The following TRPM3 variants were observed in gnomAD, a reference collection of about 807,000 sequenced individuals.
TRPM3 encodes long transient receptor potential channel 3.
In TRPM3, 77 loss-of-function variants were observed where a neutral mutation model predicts 181.2. That is an observed-to-expected ratio of 0.42 (90% CI 0.35 to 0.51). The LOEUF (loss-of-function observed/expected upper bound fraction) is 0.51, where lower values mean the gene tolerates loss of function less well. Ranked by LOEUF, TRPM3 falls within the 20% of genes least tolerant of loss-of-function variation. TRPM3 has a pLI of 0.01. For missense variants in TRPM3, 1,759 were observed against 2,196.7 expected (o/e 0.80, Z 3.98); for synonymous variants, 745 against 796.4 (o/e 0.94, Z 1.09).
intron 1 of TRPM3, among the ~76,000 whole-genome samples, chr9:70,916,353 A>G (rs561725189): frequency 2.0e-5 from 3 of 152,348 alleles, no homozygotes; most frequent in East Asian, 3.9e-4. Context: ...ATAGAATATT[A>G]TAAAACTGTA....
At chr9:71,426,046 CA>C (rs1044291432) in intron 1 of TRPM3, among the ~76,000 whole-genome samples, 25 of 152,134 alleles carry the variant, frequency 1.6e-4, no homozygotes, top group African/African-American at 6.0e-4. Context: ...CCCCTTGTGC[CA>C]GTTATTTTAT....
rs35173071 is a variant in TRPM3 at position 70,781,326 on chromosome 9, T to TAAAAAAAAAAAAAAAA, written c.1148+2763_1148+2778dup. 2.8e-3 allele frequency among the ~76,000 whole-genome samples: 294 copies of TAAAAAAAAAAAAAAAA among 106,020 alleles called. 6 individuals carry two copies. The highest frequency in any genetic ancestry group is 8.9e-3 in the African/African-American group (240 of 26,894). 69.6% of individuals were successfully genotyped at this position (106,020 alleles called of 152,430 possible). ...GGGGACAGCATGAGATTCCATTTCA[T>TAAAAAAAAAAAAAAAA]AAAAAAAAAAAAAAAAAAAAAAAGA... is the stretch of plus-strand genomic sequence containing the variant. On this transcript the variant is annotated intron_variant, in intron 7 of 25. Transcript: ENST00000677713.
intron 3 of TRPM3, among the ~76,000 whole-genome samples, chr9:70,856,917 A>G (rs1411397295): frequency 6.6e-6 from 1 of 152,132 alleles, no homozygotes; most frequent in East Asian, 1.9e-4. Flanking sequence ...TAGTAAGAAA[A>G]TAAGATTCTG....
intron 1 of TRPM3, among the ~76,000 whole-genome samples, chr9:70,921,942 A>AACAC (rs71367238): frequency 0.042 from 5,841 of 139,426 alleles, 132 homozygotes; most frequent in African/African-American, 0.047. Context: ...CACACAAACA[A>AACAC]ACACACACAC....
chr9:70,854,950 A>G (rs1371333765), intron 3 of TRPM3, among the ~76,000 whole-genome samples: 1 of 152,326 alleles, frequency 6.6e-6, no homozygotes, highest in East Asian at 1.9e-4. Context: ...ACAAATTTAG[A>G]CATGACATTC....
intron 1 of TRPM3, among the ~76,000 whole-genome samples, chr9:71,443,647 T>G (rs1239724668): frequency 2.6e-5 from 4 of 152,002 alleles, no homozygotes; most frequent in African/African-American, 9.7e-5. Flanking sequence ...AAGATTAGCG[T>G]CAAAATCATG....
intron 1 of TRPM3, among the ~76,000 whole-genome samples, chr9:71,263,157 C>T (rs984871757): frequency 6.6e-6 from 1 of 152,160 alleles, no homozygotes; most frequent in Admixed American, 6.5e-5. Context: ...AAAACTATTA[C>T]AATCCTGATT....
chr9:70,604,961 C>T (rs116442810), intron 19 of TRPM3, among the ~76,000 whole-genome samples: 9 of 4,906 alleles, frequency 1.8e-3, no homozygotes, highest in Middle Eastern at 0.17. Flanking sequence ...TGAATGGATT[C>T]TTCTTTTTTT....
chr9:71,161,624 T>A (rs1014321684), intron 1 of TRPM3, among the ~76,000 whole-genome samples: 22 of 152,070 alleles, frequency 1.4e-4, no homozygotes, highest in African/African-American at 5.3e-4. Context: ...AAATGCAGAT[T>A]CAAGATATAA....
chr9:70,885,066 C>A (rs998598215), intron 1 of TRPM3, among the ~76,000 whole-genome samples: 1 of 152,188 alleles, frequency 6.6e-6, no homozygotes, highest in African/African-American at 2.4e-5. Flanking sequence ...TTGCTGCCTC[C>A]TTTGAGGTCC....
Position 70,761,587 on chromosome 9 carries a change from G to A in TRPM3, c.1272+14C>T, listed in dbSNP as rs2078158988. 6.2e-7 allele frequency: 1 copy of A among 1,613,824 alleles called. No individual in the cohort carries two copies. Among genetic ancestry groups the A allele is most frequent in the Admixed American group, 1.7e-5 (1 of 59,954 alleles). On this transcript the variant is annotated intron_variant, in intron 8 of 25. Coordinates refer to ENST00000677713, the MANE Select transcript of TRPM3 (RefSeq NM_001366145.2). The stretch of plus-strand genomic sequence containing the variant: ...AATGTGGAGACAGCTGGCCACCCAT[G>A]CGGAATTACCTACCAATTCCTTCTT...
intron 6 of TRPM3, among the ~76,000 whole-genome samples, chr9:70,816,069 G>A (rs2092660965): frequency 6.6e-6 from 1 of 152,200 alleles, no homozygotes; most frequent in Non-Finnish European, 1.5e-5. Flanking sequence ...TGTCTATAGA[G>A]CTACCATTTA....
At chr9:71,354,268 G>A (rs1013185543) in intron 1 of TRPM3, among the ~76,000 whole-genome samples, 11 of 152,080 alleles carry the variant, frequency 7.2e-5, no homozygotes, top group Admixed American at 1.3e-4. Context: ...AAGAAGACTC[G>A]TCCTGTAATA....
chr9:71,088,279 A>C (rs2065629754), intron 1 of TRPM3, among the ~76,000 whole-genome samples: 1 of 152,108 alleles, frequency 6.6e-6, no homozygotes, highest in African/African-American at 2.4e-5. Context: ...TTGGGATGGA[A>C]GCTGCTCAAA....
rs1290343320 is a variant in TRPM3 at position 70,532,607 on chromosome 9, A to G, written c.*3346T>C. ...ATATAAAGTATATTGGTTAAGCAGG[A>G]GACCTCCATGGTCATTTTCATAAAA... is the stretch of plus-strand genomic sequence containing the variant. On this transcript the variant is annotated 3_prime_UTR_variant, in exon 26 of 26. Transcript: ENST00000677713. The G allele has an allele frequency of 6.6e-6, 1 of 151,696 alleles. No homozygotes were observed. Among genetic ancestry groups the G allele is most frequent in the Non-Finnish European group, 1.5e-5 (1 of 67,960 alleles). The allele number at this position is 151,696 out of a possible 1,614,324, so 9.4% of individuals were successfully genotyped here.
intron 1 of TRPM3, among the ~76,000 whole-genome samples, chr9:71,089,141 A>G (rs1418308634): frequency 4.1e-5 from 6 of 147,688 alleles, no homozygotes; most frequent in African/African-American, 1.2e-4. Context: ...TATATTATAT[A>G]TGAATATATA....
intron 8 of TRPM3, among the ~76,000 whole-genome samples, chr9:70,688,474 A>C (rs1380745764): frequency 1.3e-5 from 2 of 152,080 alleles, no homozygotes; most frequent in East Asian, 1.9e-4. Context: ...CCCTTAGTCC[A>C]TTATATCATA....
Position 70,846,478 on chromosome 9 carries a change from G to T in TRPM3, c.576C>A (p.Asn192Lys). 6.2e-7 allele frequency: 1 copy of T among 1,614,146 alleles called. No homozygotes were observed. Among genetic ancestry groups the T allele is most frequent in the Non-Finnish European group, 8.5e-7 (1 of 1,180,012 alleles). ...LLISVHGGLQ[N>K]FELQPKLKQV... ...GCTTGAGTTTTGGCTGGAGTTCAAA[G>T]TTCTGCAGGCCCCCATGGACAGAGA... Residue 192 changes from asparagine (N) to lysine (K), a missense_variant, in exon 4 of 26, where the codon AAC becomes AAA. This residue lies in a region of TRPM3 where 737 missense variants were observed against 957.4 expected (regional missense o/e 0.77). Transcript: ENST00000677713.
chr9:70,613,759 C>G (rs2062340793), intron 18 of TRPM3, among the ~76,000 whole-genome samples: 1 of 152,204 alleles, frequency 6.6e-6, no homozygotes, highest in Admixed American at 6.5e-5. Context: ...ACGTCAGGGT[C>G]TATTCTCTTG....
Sources: gnomAD v4.1 joint callset for allele counts (sites outside exome capture counted in the v4.1 genomes callset) on GRCh38, gnomAD v4.1.1 for gene constraint, gnomAD v4.1.1 regional missense constraint, MANE v1.5 for transcripts, NCBI Gene and HGNC (gene_info 2026-07-23, HGNC 2026-07-21) for gene names.